MPZL1: variants seen among roughly 807,000 people sequenced by gnomAD.
MPZL1 encodes myelin protein zero-like protein 1.
A neutral mutation model predicts 29.3 loss-of-function variants in MPZL1; 16 were observed. The observed-to-expected ratio is 0.55, with a 90% CI of 0.37 to 0.83. The LOEUF (loss-of-function observed/expected upper bound fraction) is 0.83, where lower values mean the gene tolerates loss of function less well. Ranked by LOEUF, MPZL1 falls within the 40% of genes least tolerant of loss-of-function variation. The pLI is 0.00. For synonymous variants in MPZL1, 143 were observed against 132.0 expected (o/e 1.08, Z -0.57); for missense variants, 279 against 332.9 (o/e 0.84, Z 1.26).
intron 1 of MPZL1, among the ~76,000 whole-genome samples, chr1:167,748,433 T>A (rs999674661): frequency 2.0e-5 from 3 of 152,238 alleles, no homozygotes; most frequent in Non-Finnish European, 4.4e-5. Context: ...TGGCTATGTA[T>A]GTCTTTGGAG....
chr1:167,735,384 G>A (rs904809548), intron 1 of MPZL1, among the ~76,000 whole-genome samples: 4 of 152,272 alleles, frequency 2.6e-5, no homozygotes, highest in Non-Finnish European at 5.9e-5. Flanking sequence ...GCCAAGTCCT[G>A]AAACCCTAGA....
chr1:167,722,054 G>A lies in MPZL1; in HGVS notation c.-98G>A, dbSNP rs1235422585. On this transcript the variant is annotated 5_prime_UTR_variant, in exon 1 of 6. Coordinates refer to ENST00000359523, the MANE Select transcript of MPZL1 (RefSeq NM_003953.6). ...GGAGGTGCCACCCGGCGCGGGTGGCGGAGAGATCAGAAGCCTCTTCCCCAA... is the reference window on the plus strand; with the variant it reads ...GGAGGTGCCACCCGGCGCGGGTGGCAGAGAGATCAGAAGCCTCTTCCCCAA... 8.1e-7 allele frequency: 1 copy of A among 1,227,708 alleles called. No homozygotes were observed. The highest frequency in any genetic ancestry group is 1.0e-6 in the Non-Finnish European group (1 of 984,700). 76.1% of individuals were successfully genotyped at this position (1,227,708 alleles called of 1,614,324 possible). A position where few individuals can be genotyped will look rare whatever the true frequency, so the allele number is the denominator to read the frequency against.
chr1:167,729,073 C>A (rs1213958014), intron 1 of MPZL1, among the ~76,000 whole-genome samples: 3 of 151,770 alleles, frequency 2.0e-5, no homozygotes, highest in African/African-American at 7.3e-5. Context: ...CAAGACCAGC[C>A]TGGACAACAT....
chr1:167,760,233 C>T (rs541531856), intron 1 of MPZL1, among the ~76,000 whole-genome samples: 9 of 152,172 alleles, frequency 5.9e-5, no homozygotes, highest in South Asian at 2.1e-4. Flanking sequence ...GACAGAGTCT[C>T]GCTCTGTCAC....
At chr1:167,756,405 G>T (rs1441687100) in intron 1 of MPZL1, among the ~76,000 whole-genome samples, 12 of 150,574 alleles carry the variant, frequency 8.0e-5, no homozygotes, top group Admixed American at 6.0e-4. Flanking sequence ...GGGATTACAG[G>T]CATGAGCCAC....
At chr1:167,787,759 C>G in intron 5 of MPZL1, 61 bp from the exon 6 acceptor site, 1 of 1,249,558 alleles carries the variant, frequency 8.0e-7, no homozygotes, top group African/African-American at 1.5e-5. Flanking sequence ...GCTTCTATGC[C>G]TGTAGCTGAA....
chr1:167,757,001 A>T (rs1475059385), intron 1 of MPZL1, among the ~76,000 whole-genome samples: 1 of 152,218 alleles, frequency 6.6e-6, no homozygotes, highest in African/African-American at 2.4e-5. Context: ...AAGAGTGCAG[A>T]AGAGTGTGTT....
chr1:167,768,228 A>G (rs1661161923), intron 2 of MPZL1, among the ~76,000 whole-genome samples: 1 of 152,200 alleles, frequency 6.6e-6, no homozygotes, highest in Non-Finnish European at 1.5e-5. Flanking sequence ...TTAAAAGCTC[A>G]TTACAATTTG....
chr1:167,762,209 C>G (rs1661004112), intron 1 of MPZL1, among the ~76,000 whole-genome samples: 1 of 152,060 alleles, frequency 6.6e-6, no homozygotes, highest in African/African-American at 2.4e-5. Context: ...TAGTAGAGGC[C>G]AGGGGTGCTG....
chr1:167,784,850 G>A lies in MPZL1; in HGVS notation c.709-2970G>A, dbSNP rs530137733. ...ATCAGGCAGTGGTAAACAGTTTGAAGAATACCAAGTCCATCAGCAGGAAGG... is the reference window on the plus strand; with the variant it reads ...ATCAGGCAGTGGTAAACAGTTTGAAAAATACCAAGTCCATCAGCAGGAAGG... On this transcript the variant is annotated intron_variant, in intron 5 of 5. Transcript: ENST00000359523. 3.3e-5 allele frequency among the ~76,000 whole-genome samples: 5 copies of A among 152,304 alleles called. No homozygotes were observed. The East Asian group carries it at 9.6e-4, about 29-fold the overall frequency.
chr1:167,729,845 C>A (rs780358577), intron 1 of MPZL1, among the ~76,000 whole-genome samples: 1 of 152,138 alleles, frequency 6.6e-6, no homozygotes, highest in Non-Finnish European at 1.5e-5. Flanking sequence ...CAGCTCTGTG[C>A]AATAATTATT....
At chr1:167,775,298 C>A (rs1661342014) in intron 4 of MPZL1, among the ~76,000 whole-genome samples, 1 of 152,192 alleles carries the variant, frequency 6.6e-6, no homozygotes, top group African/African-American at 2.4e-5. Flanking sequence ...TCTCCCCAAA[C>A]TCCTAAGTTT....
chr1:167,747,455 G>C (rs1231648103), intron 1 of MPZL1, among the ~76,000 whole-genome samples: 1 of 152,152 alleles, frequency 6.6e-6, no homozygotes, highest in Non-Finnish European at 1.5e-5. Flanking sequence ...GAACTCCTAG[G>C]CTCAAGTGAT....
At chr1:167,750,442 TCCGC>T (rs1436440406) in intron 1 of MPZL1, among the ~76,000 whole-genome samples, 1 of 152,172 alleles carries the variant, frequency 6.6e-6, no homozygotes, top group Non-Finnish European at 1.5e-5. Flanking sequence ...CCTCAGGTAA[TCCGC>T]CTGCCTCAGC....
intron 5 of MPZL1, among the ~76,000 whole-genome samples, chr1:167,785,306 CT>C (rs1661569775): frequency 6.6e-6 from 1 of 152,222 alleles, no homozygotes; most frequent in African/African-American, 2.4e-5. Flanking sequence ...CAGAGGACAG[CT>C]GGGCCATGCA....
At chr1:167,737,668 A>C (rs1047847248) in intron 1 of MPZL1, among the ~76,000 whole-genome samples, 2 of 152,180 alleles carry the variant, frequency 1.3e-5, no homozygotes, top group African/African-American at 4.8e-5. Flanking sequence ...TCATAGCCTA[A>C]AACACCCCTT....
chr1:167,732,863 C>T (rs975255591), intron 1 of MPZL1, among the ~76,000 whole-genome samples: 29 of 152,314 alleles, frequency 1.9e-4, no homozygotes, highest in African/African-American at 6.3e-4. Flanking sequence ...CTGCCTTGGC[C>T]TCCCAAAGTC....
chr1:167,789,744 G>A lies in MPZL1; in HGVS notation c.*1823G>A, dbSNP rs891765308. 2.6e-5 allele frequency: 4 copies of A among 152,254 alleles called. No individual in the cohort carries two copies. Among genetic ancestry groups the A allele is most frequent in the Non-Finnish European group, 4.4e-5 (3 of 68,108 alleles). The allele number at this position is 152,254 out of a possible 1,614,324, so 9.4% of individuals were successfully genotyped here. On this transcript the variant is annotated 3_prime_UTR_variant, in exon 6 of 6. Coordinates refer to ENST00000359523, the MANE Select transcript of MPZL1 (RefSeq NM_003953.6). Reference sequence around the variant, plus strand: ...CAGCGTCTGCTCTGTGTTCTGTGTGGAATGGAGAAAAAAACGCCTGCCCTG... The same window carrying A: ...CAGCGTCTGCTCTGTGTTCTGTGTGAAATGGAGAAAAAAACGCCTGCCCTG...
chr1:167,753,271 A>G (rs1485262021), intron 1 of MPZL1, among the ~76,000 whole-genome samples: 1 of 152,234 alleles, frequency 6.6e-6, no homozygotes, highest in Non-Finnish European at 1.5e-5. Flanking sequence ...GAGCAAGCTG[A>G]TACCAGCTCG....
Sources: gnomAD v4.1 joint callset for allele counts (sites outside exome capture counted in the v4.1 genomes callset) on GRCh38, gnomAD v4.1.1 for gene constraint, MANE v1.5 for transcripts, NCBI Gene and HGNC (gene_info 2026-07-23, HGNC 2026-07-21) for gene names.